Variants in PRKG1 observed in about 807,000 individuals in gnomAD.
PRKG1 encodes protein kinase cGMP-dependent 1.
PRKG1 carries 35 observed loss-of-function variants against 88.1 expected under a neutral mutation model. The ratio of observed to expected loss-of-function variants is 0.40; its 90% CI spans 0.30 to 0.53. The LOEUF (loss-of-function observed/expected upper bound fraction) is 0.53. Among genes scored for constraint, PRKG1 ranks in the 20% least tolerant of loss-of-function variants. The pLI is 0.59. For synonymous variants in PRKG1, 303 were observed against 292.5 expected (o/e 1.04, Z -0.37); for missense variants, 540 against 839.8 (o/e 0.64, Z 4.41).
intron 3 of PRKG1, among the ~76,000 whole-genome samples, chr10:51,667,077 A>G (rs1348686976): frequency 2.0e-5 from 3 of 152,078 alleles, no homozygotes; most frequent in Non-Finnish European, 2.9e-5. Flanking sequence ...GCTGCCATAA[A>G]CATTTATTTC....
At chr10:51,187,037 A>C (rs1236349483) in intron 2 of PRKG1, among the ~76,000 whole-genome samples, 1 of 149,102 alleles carries the variant, frequency 6.7e-6, no homozygotes, top group Non-Finnish European at 1.5e-5. Flanking sequence ...CTTTCCAGAA[A>C]GAGGAAGTGG....
At chr10:51,501,946 A>G (rs1000022276) in intron 3 of PRKG1, among the ~76,000 whole-genome samples, 1 of 151,670 alleles carries the variant, frequency 6.6e-6, no homozygotes, top group South Asian at 2.1e-4. Context: ...TAGGTCCAGG[A>G]ATTCTTTGTG....
intron 4 of PRKG1, among the ~76,000 whole-genome samples, chr10:51,829,861 G>A (rs538749069): frequency 2.0e-5 from 3 of 152,128 alleles, no homozygotes; most frequent in South Asian, 2.1e-4. Flanking sequence ...CCACTGTCTT[G>A]TTCCAACAAG....
At chr10:51,823,842 A>G (rs954243776) in intron 4 of PRKG1, among the ~76,000 whole-genome samples, 3 of 134,244 alleles carry the variant, frequency 2.2e-5, no homozygotes, top group Admixed American at 7.2e-5. Context: ...TGGTAATATT[A>G]TCCAGAATTT....
At chr10:51,958,467 T>A (rs1304160630) in intron 5 of PRKG1, among the ~76,000 whole-genome samples, 7 of 151,902 alleles carry the variant, frequency 4.6e-5, no homozygotes, top group Admixed American at 1.3e-4. Flanking sequence ...GGACCAGAGT[T>A]TTTTTTAGGA....
intron 9 of PRKG1, among the ~76,000 whole-genome samples, chr10:52,222,158 C>T (rs923601386): frequency 7.9e-5 from 12 of 152,026 alleles, no homozygotes; most frequent in Non-Finnish European, 1.0e-4. Context: ...TGAAGACTCC[C>T]GTCCCTTTGA....
intron 2 of PRKG1, among the ~76,000 whole-genome samples, chr10:51,268,534 A>G (rs1589295595): frequency 6.6e-6 from 1 of 150,780 alleles, no homozygotes; most frequent in Admixed American, 6.6e-5. Context: ...TGCTTTTGAA[A>G]GAAGAGAAAT....
intron 5 of PRKG1, among the ~76,000 whole-genome samples, chr10:52,039,196 T>A (rs1207040746): frequency 1.3e-5 from 2 of 152,038 alleles, no homozygotes; most frequent in African/African-American, 2.4e-5. Context: ...GCAGGCGGAC[T>A]GAGTCCGAAA....
intron 9 of PRKG1, among the ~76,000 whole-genome samples, chr10:52,198,073 A>G (rs778013290): frequency 2.6e-5 from 4 of 152,218 alleles, no homozygotes; most frequent in Non-Finnish European, 5.9e-5. Flanking sequence ...ATGCTGACAG[A>G]AAAATACAAA....
At chr10:52,233,008 T>C (rs1408083650) in intron 9 of PRKG1, among the ~76,000 whole-genome samples, 1 of 152,170 alleles carries the variant, frequency 6.6e-6, no homozygotes, top group Non-Finnish European at 1.5e-5. Context: ...AACATCCCCA[T>C]TGTTAAGACT....
At chr10:51,806,003 T>C (rs1303336405) in intron 4 of PRKG1, among the ~76,000 whole-genome samples, 2 of 152,114 alleles carry the variant, frequency 1.3e-5, no homozygotes, top group Non-Finnish European at 2.9e-5. Context: ...GCCTTCTATA[T>C]TGGGTGAGAT....
In PRKG1 at chr10:52,179,412, AC is replaced by A. The variant is rs531492042; in HGVS notation, c.1076+17453del. On this transcript the variant is annotated intron_variant, in intron 9 of 17. Coordinates refer to ENST00000373980, the MANE Select transcript of PRKG1 (RefSeq NM_006258.4). The stretch of plus-strand genomic sequence containing the variant: ...CTACTTTTGGTACTTTGACTATATC[AC>A]CCCATTCTTTCATGGTCTTCAGATT... 7.9e-5 allele frequency among the ~76,000 whole-genome samples: 12 copies of A among 151,822 alleles called. No homozygotes were observed. In the East Asian group the frequency reaches 2.1e-3, roughly 27 times the overall value.
chr10:51,459,557 C>A (rs916985230), intron 2 of PRKG1, among the ~76,000 whole-genome samples: 1 of 152,094 alleles, frequency 6.6e-6, no homozygotes, highest in Non-Finnish European at 1.5e-5. Flanking sequence ...CGTATATATT[C>A]TTTGTCTTGC....
chr10:51,275,471 C>G (rs1840090463), intron 2 of PRKG1, among the ~76,000 whole-genome samples: 2 of 152,170 alleles, frequency 1.3e-5, no homozygotes, highest in African/African-American at 4.8e-5. Flanking sequence ...TGTATTTCCT[C>G]ATAGCGTGGT....
chr10:50,992,760 C>A (rs774659354), intron 1 of PRKG1, among the ~76,000 whole-genome samples: 4 of 150,582 alleles, frequency 2.7e-5, no homozygotes, highest in Non-Finnish European at 4.4e-5. Flanking sequence ...AGCATTAAAG[C>A]GCCTCTGGAC....
At chr10:52,285,422 T>A (rs573018922) in intron 14 of PRKG1, among the ~76,000 whole-genome samples, 1 of 152,210 alleles carries the variant, frequency 6.6e-6, no homozygotes, top group South Asian at 2.1e-4. Flanking sequence ...GTAGACTTCC[T>A]ATAACTATGA....
At chr10:51,954,929 A>C (rs951846828) in intron 5 of PRKG1, among the ~76,000 whole-genome samples, 3 of 152,150 alleles carry the variant, frequency 2.0e-5, no homozygotes, top group Non-Finnish European at 4.4e-5. Flanking sequence ...ACATTTTGCT[A>C]TCTTTTATTG....
intron 3 of PRKG1, among the ~76,000 whole-genome samples, chr10:51,524,913 A>G (rs532132950): frequency 2.0e-5 from 3 of 152,352 alleles, no homozygotes; most frequent in Admixed American, 1.3e-4. Context: ...TTTTTAATGA[A>G]CAGTTTTTTC....
chr10:51,009,274 T>C (rs1275204978), intron 1 of PRKG1, among the ~76,000 whole-genome samples: 1 of 152,224 alleles, frequency 6.6e-6, no homozygotes. Context: ...TTGGTGTATT[T>C]ATCTAACTAA....
Sources: gnomAD v4.1 joint callset for allele counts (sites outside exome capture counted in the v4.1 genomes callset) on GRCh38, gnomAD v4.1.1 for gene constraint, MANE v1.5 for transcripts, NCBI Gene and HGNC (gene_info 2026-07-23, HGNC 2026-07-21) for gene names.